OGFOD1: variants seen among roughly 807,000 people sequenced by gnomAD.
The protein encoded by OGFOD1 is prolyl 3-hydroxylase OGFOD1.
OGFOD1 carries 54 observed loss-of-function variants against 67.7 expected under a neutral mutation model. That is an observed-to-expected ratio of 0.80 (90% confidence interval 0.64 to 1.00). The LOEUF is 1.00. Ranked by LOEUF, OGFOD1 falls within the 50% of genes least tolerant of loss-of-function variation. The pLI is 0.00. For synonymous variants in OGFOD1, 221 were observed against 227.0 expected (o/e 0.97, Z 0.24); for missense variants, 606 against 646.7 (o/e 0.94, Z 0.68).
rs1963527190 is a variant in OGFOD1 at position 56,477,319 on chromosome 16, G to A, written c.*1114G>A. The A allele has an allele frequency of 2.0e-5, 3 of 152,148 alleles. No homozygotes were observed. The highest frequency in any genetic ancestry group is 7.2e-5 in the African/African-American group (3 of 41,414). 9.4% of individuals were successfully genotyped at this position (152,148 alleles called of 1,614,324 possible). A position where few individuals can be genotyped will look rare whatever the true frequency, so the allele number is the denominator to read the frequency against. On this transcript the variant is annotated 3_prime_UTR_variant, in exon 13 of 13. Transcript: ENST00000566157. The stretch of plus-strand genomic sequence containing the variant: ...ACCATGACTCTCACAGTACAGTGTA[G>A]GCTTAGTGTAGTATTATTCCCTTGG...
chr16:56,463,248 A>T (rs1159380504), intron 4 of OGFOD1, among the ~76,000 whole-genome samples: 1 of 152,072 alleles, frequency 6.6e-6, no homozygotes, highest in Non-Finnish European at 1.5e-5. Context: ...TACTAAATAA[A>T]ATAATTCTTT....
intron 3 of OGFOD1, chr16:56,458,891 G>A (rs2143982976): frequency 2.7e-6 from 1 of 373,232 alleles, no homozygotes; most frequent in South Asian, 2.9e-5. Context: ...CACATGTTAG[G>A]TTGGTAAATA....
At chr16:56,467,406 T>G (rs1013305104) in intron 7 of OGFOD1, 113 bp downstream of exon 7, 4 of 1,210,580 alleles carry the variant, frequency 3.3e-6, no homozygotes, top group East Asian at 4.7e-5. Flanking sequence ...CTTGCCCCTT[T>G]CCACTTTTCT....
At chr16:56,471,729 T>C (rs1353115212) in intron 10 of OGFOD1, among the ~76,000 whole-genome samples, 1 of 152,216 alleles carries the variant, frequency 6.6e-6, no homozygotes, top group Non-Finnish European at 1.5e-5. Flanking sequence ...TTCTGTGGCC[T>C]TCCAAAACTG....
At chr16:56,451,543 C>T (rs950521605), upstream of OGFOD1, 80 of 1,530,506 alleles carry the variant, frequency 5.2e-5, no homozygotes, top group Middle Eastern at 1.7e-4. Context: ...GGGGACATGC[C>T]GGGAGTTGCA....
intron 2 of OGFOD1, 76 bp downstream of exon 2, chr16:56,453,484 CTTGAGG>C (rs1385731974): frequency 6.2e-5 from 92 of 1,478,068 alleles, no homozygotes; most frequent in Non-Finnish European, 7.6e-5. Context: ...TACCTTTAGA[CTTGAGG>C]TTTTAGGGTG....
At position 56,466,878 on chromosome 16, in the gene OGFOD1, C is replaced by G; in HGVS notation, c.568C>G (p.His190Asp). 1 of 1,611,012 alleles carries G rather than the reference C, an allele frequency of 6.2e-7. No individual in the cohort carries two copies. Among genetic ancestry groups the G allele is most frequent in the Middle Eastern group, 1.7e-4 (1 of 6,056 alleles). The change falls in exon 6 of 13, where the codon CAC (histidine) becomes GAC (aspartate). Residue 190 changes from histidine (H) to aspartate (D), a missense_variant and splice_region_variant. His to Asp is a moderately conservative substitution (Grantham distance 81). Transcript: ENST00000566157. ...GTLDLYSIDE[H>D]FQPKQIVKSL... ...TGATGTGTTCTTTCCTGGTGCAGAA[C>G]ACTTTCAGCCGAAGCAGATTGTCAA...
At chr16:56,461,402 A>G (rs1234607893) in intron 3 of OGFOD1, among the ~76,000 whole-genome samples, 2 of 152,140 alleles carry the variant, frequency 1.3e-5, no homozygotes, top group Non-Finnish European at 2.9e-5. Context: ...CCTTCCCCAT[A>G]CCTCACCCTA....
chr16:56,473,827 G>A (rs1330705524), intron 10 of OGFOD1, among the ~76,000 whole-genome samples: 1 of 149,516 alleles, frequency 6.7e-6, no homozygotes, highest in Non-Finnish European at 1.5e-5. Context: ...TTTTTTTTGA[G>A]GTGGACTCTC....
intron 3 of OGFOD1, chr16:56,458,892 T>A (rs1217829393): frequency 2.7e-6 from 1 of 371,056 alleles, no homozygotes; most frequent in African/African-American, 2.1e-5. Flanking sequence ...ACATGTTAGG[T>A]TGGTAAATAT....
chr16:56,471,975 GTTTT>G (rs1208222585), intron 10 of OGFOD1, among the ~76,000 whole-genome samples: 13 of 152,036 alleles, frequency 8.6e-5, no homozygotes, highest in African/African-American at 2.4e-4. Context: ...TTGTTTGTTT[GTTTT>G]GAGACACGGT....
In OGFOD1 at chr16:56,476,290, C is replaced by A; in HGVS notation, c.*85C>A. ...GAGCTAAGCATGGAGTCAAGGAGAA[C>A]TACATGGTAGCTTGCCTGACAGTGT... is the stretch of plus-strand genomic sequence containing the variant. On this transcript the variant is annotated 3_prime_UTR_variant, in exon 13 of 13. Coordinates refer to ENST00000566157, the MANE Select transcript of OGFOD1 (RefSeq NM_018233.4). 1 of 1,292,606 alleles carries A rather than the reference C, an allele frequency of 7.7e-7. No individual in the cohort carries two copies. The highest frequency in any genetic ancestry group is 1.1e-6 in the Non-Finnish European group (1 of 934,598). 80.1% of individuals were successfully genotyped at this position (1,292,606 alleles called of 1,614,324 possible).
Position 56,470,032 on chromosome 16 carries a change from C to G in OGFOD1, c.930C>G (p.Ala310=), listed in dbSNP as rs1361365063. Residue 310 remains alanine (A), a synonymous_variant, in exon 9 of 13, where the codon GCC becomes GCG. Coordinates refer to ENST00000566157, the MANE Select transcript of OGFOD1 (RefSeq NM_018233.4). ...KPEKFTKVCE[A]LEHGHVEWSS... ...AGAAATTCACGAAAGTCTGTGAGGCCTTGGAGCATGGACATGTGGAATGGA... is the reference window on the plus strand; with the variant it reads ...AGAAATTCACGAAAGTCTGTGAGGCGTTGGAGCATGGACATGTGGAATGGA... 4.3e-6 allele frequency: 7 copies of G among 1,614,054 alleles called. No homozygotes were observed. Among genetic ancestry groups the G allele is most frequent in the Non-Finnish European group, 5.1e-6 (6 of 1,180,008 alleles).
intron 4 of OGFOD1, among the ~76,000 whole-genome samples, chr16:56,463,611 T>C (rs542492906): frequency 3.0e-4 from 46 of 151,882 alleles, no homozygotes; most frequent in Middle Eastern, 3.4e-3. Context: ...TTAGTAGAGA[T>C]GGAGTTTCAC....
At chr16:56,459,889 T>TA (rs1567546937) in intron 3 of OGFOD1, among the ~76,000 whole-genome samples, 1 of 152,164 alleles carries the variant, frequency 6.6e-6, no homozygotes. Flanking sequence ...GATTTTTTTT[T>TA]AATAGTTTTT....
chr16:56,475,619 T>C (rs1372643124), intron 12 of OGFOD1, 54 bp downstream of exon 12: 23 of 1,524,176 alleles, frequency 1.5e-5, no homozygotes, highest in Non-Finnish European at 2.1e-5. Flanking sequence ...AATGCTTTCA[T>C]TTTTCAAAGA....
chr16:56,462,741 A>G (rs113306493), intron 4 of OGFOD1, 107 bp downstream of exon 4: 10 of 678,990 alleles, frequency 1.5e-5, no homozygotes, highest in South Asian at 1.4e-4. Context: ...TGTCCCTGCA[A>G]AGCATCCGGA....
chr16:56,462,487 G>C (rs1322956632), intron 3 of OGFOD1, 47 bp from the exon 4 acceptor site: 2 of 1,194,662 alleles, frequency 1.7e-6, no homozygotes, highest in Admixed American at 3.4e-5. Context: ...TTGTGACCTA[G>C]ATCCCACACT....
rs1962342168 is a variant in OGFOD1, at chr16:56,451,726, G to A, written c.114G>A (p.Gln38=). The A allele has an allele frequency of 6.2e-7, 1 of 1,613,556 alleles. No individual in the cohort carries two copies. The highest frequency in any genetic ancestry group is 1.7e-5 in the Admixed American group (1 of 60,004). Residue 38 remains glutamine (Q), a synonymous_variant, in exon 1 of 13, where the codon CAG becomes CAA. Transcript: ENST00000566157. ...DAVTEETLKK[Q]VAEAWSRRTP... is the part of the protein sequence containing the mutation. Reference sequence around the variant, plus strand: ...TTACGGAAGAAACCTTGAAAAAGCAGGTGGCTGAGGCCTGGAGCCGCAGGA... The same window carrying A: ...TTACGGAAGAAACCTTGAAAAAGCAAGTGGCTGAGGCCTGGAGCCGCAGGA...
Sources: allele counts gnomAD v4.1 joint callset (sites outside exome capture counted in the v4.1 genomes callset), GRCh38; gene constraint gnomAD v4.1.1; transcripts MANE v1.5; gene names NCBI Gene and HGNC (gene_info 2026-07-23, HGNC 2026-07-21).